The following CERS3 variants were observed in gnomAD, a reference collection of about 807,000 sequenced individuals.
CERS3 encodes the protein LAG1 homolog, ceramide synthase 3.
Under a neutral mutation model 50.3 loss-of-function variants are expected in CERS3, and 33 were observed. That is an observed-to-expected ratio of 0.66 (90% CI 0.50 to 0.88). CERS3 has a LOEUF of 0.88. CERS3 is among the 40% of genes least tolerant of loss of function. The pLI is 0.00. For missense variants in CERS3, 470 were observed against 460.3 expected (o/e 1.02, Z -0.19); for synonymous variants, 176 against 155.2 (o/e 1.13, Z -0.99).
intron 11 of CERS3, among the ~76,000 whole-genome samples, chr15:100,414,268 G>A (rs2031720524): frequency 6.6e-6 from 1 of 152,056 alleles, no homozygotes; most frequent in Admixed American, 6.6e-5. Context: ...CACTCCTCAA[G>A]GAAATAAGAG....
chr15:100,455,332 T>C (rs910707378), intron 11 of CERS3, among the ~76,000 whole-genome samples: 4 of 151,638 alleles, frequency 2.6e-5, no homozygotes, highest in Admixed American at 2.6e-4. Context: ...TGGGAGAAGA[T>C]GAAGAAAGGC....
chr15:100,499,655 C>G (rs575876398), intron 3 of CERS3, among the ~76,000 whole-genome samples: 1 of 152,238 alleles, frequency 6.6e-6, no homozygotes, highest in African/African-American at 2.4e-5. Flanking sequence ...AAGAAGGAAG[C>G]TTTGTTGTGT....
At chr15:100,513,741 T>C (rs1313268684) in intron 2 of CERS3, among the ~76,000 whole-genome samples, 1 of 152,002 alleles carries the variant, frequency 6.6e-6, no homozygotes, top group African/African-American at 2.4e-5. Flanking sequence ...CTTACTATAT[T>C]GCCCAGGCTG....
intron 11 of CERS3, among the ~76,000 whole-genome samples, chr15:100,417,404 T>C (rs1481297548): frequency 6.6e-6 from 1 of 152,056 alleles, no homozygotes; most frequent in East Asian, 1.9e-4. Context: ...CACGAGATTA[T>C]ATCCCACACC....
At chr15:100,442,129 A>G (rs1288809754) in intron 11 of CERS3, among the ~76,000 whole-genome samples, 2 of 152,132 alleles carry the variant, frequency 1.3e-5, no homozygotes, top group South Asian at 4.2e-4. Context: ...GTCAAGGTTA[A>G]CGCTCCTTTT....
chr15:100,480,449 C>T (rs2035263771), intron 5 of CERS3, among the ~76,000 whole-genome samples: 1 of 152,176 alleles, frequency 6.6e-6, no homozygotes. Flanking sequence ...AATTATTTCT[C>T]TTATCCCCAT....
chr15:100,511,303 G>T (rs925370108), intron 2 of CERS3, among the ~76,000 whole-genome samples: 6 of 151,774 alleles, frequency 4.0e-5, no homozygotes, highest in Admixed American at 1.3e-4. Flanking sequence ...AACAAAAAAA[G>T]AAACATTAAG....
chr15:100,484,592 T>A lies in CERS3; in HGVS notation c.365A>T (p.Asn122Ile). Reference sequence around the variant, plus strand: ...CTTCAGCCTGGAAGGCCTCTCTTGATTCCGCCGACTCCTAAACCATCTTTC... The same window carrying A: ...CTTCAGCCTGGAAGGCCTCTCTTGAATCCGCCGACTCCTAAACCATCTTTC... ...QVERWFRSRR[N>I]QERPSRLKKF... The change falls in exon 5 of 12, where the codon AAT becomes ATT. Residue 122 changes from asparagine to isoleucine, a missense_variant. By Grantham distance (149) the Asn-to-Ile change is moderately radical. Coordinates refer to ENST00000679737, the MANE Select transcript of CERS3 (RefSeq NM_001378789.1). 6.2e-7 allele frequency: 1 copy of A among 1,614,176 alleles called. No individual in the cohort carries two copies. The highest frequency in any genetic ancestry group is 1.1e-5 in the South Asian group (1 of 91,090).
intron 2 of CERS3, among the ~76,000 whole-genome samples, chr15:100,517,789 G>A (rs1306358729): frequency 1.3e-5 from 2 of 152,152 alleles, no homozygotes; most frequent in African/African-American, 2.4e-5. Flanking sequence ...GTTCTTGGAG[G>A]AGGGTGGGGT....
chr15:100,525,246 A>G (rs1413245906), intron 1 of CERS3, among the ~76,000 whole-genome samples: 1 of 152,212 alleles, frequency 6.6e-6, no homozygotes, highest in Non-Finnish European at 1.5e-5. Context: ...AGAAAACAAT[A>G]AAGAGGAAAC....
intron 5 of CERS3, among the ~76,000 whole-genome samples, chr15:100,483,877 T>A (rs1182190938): frequency 6.8e-6 from 1 of 146,732 alleles, no homozygotes; most frequent in Non-Finnish European, 1.5e-5. Flanking sequence ...GCCTCCCAGG[T>A]TCACGCCATT....
At position 100,444,369 on chromosome 15, in the gene CERS3, T is replaced by C. The variant is rs547866738; in HGVS notation, c.999+11524A>G. 1.4e-3 allele frequency among the ~76,000 whole-genome samples: 6 copies of C among 4,314 alleles called. No individual in the cohort carries two copies. In the Non-Finnish European group the frequency reaches 0.024, roughly 17 times the overall value. 2.8% of individuals were successfully genotyped at this position (4,314 alleles called of 152,430 possible). ...CGGACTTCAATCCGGCCTCCCACAT[T>C]ATTCCGGATACACACCTGACCCCCA... is the stretch of plus-strand genomic sequence containing the variant. On this transcript the variant is annotated intron_variant, in intron 11 of 11. Transcript: ENST00000679737.
intron 11 of CERS3, among the ~76,000 whole-genome samples, chr15:100,434,352 C>A (rs2142130397): frequency 6.6e-6 from 1 of 152,314 alleles, no homozygotes; most frequent in East Asian, 1.9e-4. Flanking sequence ...GAACACAGCC[C>A]CTTTGAGCAC....
chr15:100,461,994 A>C (rs1893821548), intron 10 of CERS3, among the ~76,000 whole-genome samples: 1 of 152,226 alleles, frequency 6.6e-6, no homozygotes, highest in Admixed American at 6.5e-5. Context: ...AAAGAAAAAA[A>C]ATTCCATCTG....
intron 11 of CERS3, among the ~76,000 whole-genome samples, chr15:100,447,248 A>G (rs1204709744): frequency 6.6e-6 from 1 of 152,200 alleles, no homozygotes; most frequent in Non-Finnish European, 1.5e-5. Context: ...TTATCTTAAT[A>G]CAGACATTCC....
In CERS3 at chr15:100,402,378, G is replaced by A. The variant is rs1441715352; in HGVS notation, c.*335C>T. The A allele has an allele frequency of 9.1e-6, 2 of 220,088 alleles. No homozygotes were observed. The highest frequency in any genetic ancestry group is 1.8e-5 in the Non-Finnish European group (2 of 112,162). The allele number at this position is 220,088 out of a possible 1,614,324, so 13.6% of individuals were successfully genotyped here. On this transcript the variant is annotated 3_prime_UTR_variant, in exon 12 of 12. Transcript: ENST00000679737. ...ACCTGTGAAAGCGTCCTGAGGACAG[G>A]CAAGGTGGCGAGGCGAAAGGGTCTA...
chr15:100,477,461 A>G (rs113962978), intron 7 of CERS3, among the ~76,000 whole-genome samples: 2 of 125,242 alleles, frequency 1.6e-5, no homozygotes, highest in Admixed American at 7.6e-5. Context: ...AAAAATCTGG[A>G]TAAAGGACAA....
At chr15:100,529,763 T>C (rs923262022), upstream of CERS3, among the ~76,000 whole-genome samples, 4 of 152,224 alleles carry the variant, frequency 2.6e-5, no homozygotes, top group Non-Finnish European at 5.9e-5. Context: ...CTTCAACAAG[T>C]TGATTCCTGT....
chr15:100,495,268 G>A (rs2035776769), intron 3 of CERS3, among the ~76,000 whole-genome samples: 1 of 152,224 alleles, frequency 6.6e-6, no homozygotes, highest in Admixed American at 6.5e-5. Flanking sequence ...ATCCAGAGAT[G>A]GAGAGGGCAA....
Sources: gnomAD v4.1 joint callset for allele counts (sites outside exome capture counted in the v4.1 genomes callset) on GRCh38, gnomAD v4.1.1 for gene constraint, MANE v1.5 for transcripts, NCBI Gene and HGNC (gene_info 2026-07-23, HGNC 2026-07-21) for gene names.